NOTCH2NLR: variants seen among roughly 807,000 people sequenced by gnomAD.
NOTCH2NLR encodes the protein notch 2 N-terminal like R.
In NOTCH2NLR, 33 loss-of-function variants were observed where a neutral mutation model predicts 35.6. That is an observed-to-expected ratio of 0.93 (90% confidence interval 0.70 to 1.24). The LOEUF (loss-of-function observed/expected upper bound fraction) is 1.24, where lower values mean the gene tolerates loss of function less well. Among genes scored for constraint, NOTCH2NLR ranks in the 50% most tolerant of loss-of-function variants. The probability of loss-of-function intolerance (pLI) is 0.00; values close to 1 mark genes in which losing one functional copy is unlikely to be tolerated. For synonymous variants in NOTCH2NLR, 103 were observed against 141.0 expected (o/e 0.73, Z 1.91); for missense variants, 276 against 362.2 (o/e 0.76, Z 1.93).
At chr1:120,724,127 CAGG>C in exon 1 of NOTCH2NLR, 2 of 1,313,272 alleles carry the variant, frequency 1.5e-6, no homozygotes, top group South Asian at 2.7e-5. Flanking sequence ...TGGATCTGCC[CAGG>C]CGGCGGCGGC....
Position 120,724,483 on chromosome 1 carries a change from C to T in NOTCH2NLR, c.73+233C>T, listed in dbSNP as rs1176926436. On this transcript the variant is annotated intron_variant, in intron 1 of 4. Transcript: ENST00000624419. ...CTGCTCCCCGCGGCCCGGGACCCCTCACACGCCTCCTCGGCAGGAGGGAGG... is the reference window on the plus strand; with the variant it reads ...CTGCTCCCCGCGGCCCGGGACCCCTTACACGCCTCCTCGGCAGGAGGGAGG... 1.4e-4 allele frequency among the ~76,000 whole-genome samples: 17 copies of T among 121,340 alleles called. 1 individual carries two copies. Among genetic ancestry groups the T allele is most frequent in the Admixed American group, 2.3e-4 (3 of 13,038 alleles). 79.6% of individuals were successfully genotyped at this position (121,340 alleles called of 152,430 possible).
In NOTCH2NLR at chr1:120,724,329, C is replaced by T; in HGVS notation, c.73+79C>T. 10 of 1,360,872 alleles carry T rather than the reference C, an allele frequency of 7.3e-6. 2 individuals carry two copies. The highest frequency in any genetic ancestry group is 9.6e-6 in the Non-Finnish European group (10 of 1,044,392). The allele number at this position is 1,360,872 out of a possible 1,614,324, so 84.3% of individuals were successfully genotyped here. A position where few individuals can be genotyped will look rare whatever the true frequency, so the allele number is the denominator to read the frequency against. On this transcript the variant is annotated intron_variant, in intron 1 of 4. Coordinates refer to ENST00000624419, the Ensembl canonical transcript of NOTCH2NLR. ...GCGACCCTTCTCCCCCTCAGTCCTT[C>T]TCTGTGTGGGAAGGCCAGGCTCGGC...
intron 3 of NOTCH2NLR, among the ~76,000 whole-genome samples, chr1:120,790,002 C>A (rs1319566408): frequency 1.4e-5 from 1 of 72,002 alleles, no homozygotes; most frequent in Non-Finnish European, 2.4e-5. Flanking sequence ...CTGCAAGATT[C>A]TGATCACCTT....
intron 2 of NOTCH2NLR, among the ~76,000 whole-genome samples, chr1:120,765,293 C>G (rs1261394589): frequency 1.4e-5 from 1 of 69,910 alleles, no homozygotes; most frequent in Non-Finnish European, 2.5e-5. Context: ...CATTTGGTGC[C>G]TTAGTTGCTT....
chr1:120,781,651 A>C (rs1651362583), intron 2 of NOTCH2NLR, among the ~76,000 whole-genome samples: 1 of 65,790 alleles, frequency 1.5e-5, no homozygotes, highest in Non-Finnish European at 2.6e-5. Flanking sequence ...GCAACCTCCA[A>C]CTTCTGGGTT....
At position 120,793,428 on chromosome 1, in the gene NOTCH2NLR, C is replaced by T. The variant is rs1651517010; in HGVS notation, c.683C>T (p.Ser228Leu). The T allele has an allele frequency of 2.6e-5, 37 of 1,442,564 alleles. 10 individuals are homozygous for T. Among genetic ancestry groups the T allele is most frequent in the Non-Finnish European group, 3.1e-5 (34 of 1,079,602 alleles). The allele number at this position is 1,442,564 out of a possible 1,614,324, so 89.4% of individuals were successfully genotyped here. ...AGACTGTATGTGCCCTGTGCACACT[C>T]GCCTTGTGTCAATGGAGGCACCTGT... is the stretch of plus-strand genomic sequence containing the variant. The change falls in exon 4 of 5, where the codon TCG (serine) becomes TTG (leucine). Residue 228 changes from serine to leucine, a missense_variant. Transcript: ENST00000624419.
At chr1:120,733,446 G>C in intron 1 of NOTCH2NLR, among the ~76,000 whole-genome samples, 1 of 106,772 alleles carries the variant, frequency 9.4e-6, no homozygotes, top group East Asian at 2.3e-4. Context: ...GTCACAATAT[G>C]TATGGAAATA....
At position 120,790,309 on chromosome 1, in the gene NOTCH2NLR, G is replaced by A. The variant is rs1172237992; in HGVS notation, c.416-2852G>A. Among the ~76,000 whole-genome samples the A allele has an allele frequency of 3.6e-5, 4 of 111,332 alleles. 2 individuals carry two copies. The East Asian group carries it at 8.9e-4, about 25-fold the overall frequency. The allele number at this position is 111,332 out of a possible 152,430, so 73.0% of individuals were successfully genotyped here. Reference sequence around the variant, plus strand: ...GATTACAGGTGTGAGCCACCACACCGGGCCGATTCTGATCATCTTTTATAC... The same window carrying A: ...GATTACAGGTGTGAGCCACCACACCAGGCCGATTCTGATCATCTTTTATAC... On this transcript the variant is annotated intron_variant, in intron 3 of 4. Coordinates refer to ENST00000624419, the Ensembl canonical transcript of NOTCH2NLR.
Position 120,724,145 on chromosome 1 carries a change from G to A in NOTCH2NLR, c.-33G>A. 2.2e-6 allele frequency: 3 copies of A among 1,365,274 alleles called. 1 individual carries two copies. Among genetic ancestry groups the A allele is most frequent in the Admixed American group, 2.3e-5 (1 of 42,716 alleles). 84.6% of individuals were successfully genotyped at this position (1,365,274 alleles called of 1,614,324 possible). On this transcript the variant is annotated 5_prime_UTR_variant, in exon 1 of 5. Coordinates refer to ENST00000624419, the Ensembl canonical transcript of NOTCH2NLR. ...ATCTGCCCAGGCGGCGGCGGCGGCGGCGGCGGAGGAGGAGGAGGAGGCGAC... is the reference window on the plus strand; with the variant it reads ...ATCTGCCCAGGCGGCGGCGGCGGCGACGGCGGAGGAGGAGGAGGAGGCGAC...
In NOTCH2NLR at chr1:120,743,756, C is replaced by CA. The variant is rs1425431718; in HGVS notation, c.73+19507dup. ...AGTTTGAAAAAACACCGTAAGCCTG[C>CA]ATTCCAGAAGTTCTGGTATGGATAG... On this transcript the variant is annotated intron_variant, in intron 1 of 4. Transcript: ENST00000624419. 9.9e-3 allele frequency among the ~76,000 whole-genome samples: 1,209 copies of CA among 122,354 alleles called. 274 individuals are homozygous for CA. Among genetic ancestry groups the CA allele is most frequent in the African/African-American group, 0.041 (1,156 of 27,856 alleles). 80.3% of individuals were successfully genotyped at this position (122,354 alleles called of 152,430 possible). A position where few individuals can be genotyped will look rare whatever the true frequency, so the allele number is the denominator to read the frequency against.
At chr1:120,769,676 T>G (rs1481148736) in intron 2 of NOTCH2NLR, among the ~76,000 whole-genome samples, 1 of 119,740 alleles carries the variant, frequency 8.4e-6, no homozygotes, top group Non-Finnish European at 1.6e-5. Context: ...TGCATGCTAT[T>G]TATGTGTACC....
At chr1:120,790,037 G>A (rs1235797089) in intron 3 of NOTCH2NLR, among the ~76,000 whole-genome samples, 1 of 43,598 alleles carries the variant, frequency 2.3e-5, no homozygotes, top group Non-Finnish European at 3.6e-5. Context: ...TTTTTTTTGA[G>A]ATGGAGTATT....
chr1:120,764,992 A>G lies in NOTCH2NLR; in HGVS notation c.155+1283A>G, dbSNP rs1244849855. On this transcript the variant is annotated intron_variant, in intron 2 of 4. Transcript: ENST00000624419. Reference sequence around the variant, plus strand: ...ATTTAGTTTTTTAATGTTATAAACAAGATTTTTTTTTTCAAGTCAGAAATA... The same window carrying G: ...ATTTAGTTTTTTAATGTTATAAACAGGATTTTTTTTTTCAAGTCAGAAATA... Among the ~76,000 whole-genome samples, 9 of 84,006 alleles carry G rather than the reference A, an allele frequency of 1.1e-4. 1 individual carries two copies. Among genetic ancestry groups the G allele is most frequent in the Non-Finnish European group, 2.0e-4 (9 of 45,804 alleles). The allele number at this position is 84,006 out of a possible 152,430, so 55.1% of individuals were successfully genotyped here.
chr1:120,768,635 G>T (rs1651222202), intron 2 of NOTCH2NLR, among the ~76,000 whole-genome samples: 2 of 108,938 alleles, frequency 1.8e-5, no homozygotes, highest in South Asian at 5.4e-4. Context: ...CTGTAAATGT[G>T]GGTTTCATAT....
Position 120,724,196 on chromosome 1 carries a change from G to T in NOTCH2NLR, c.19G>T (p.Ala7Ser). ...CGAGAAGATGCCCGCCCTGCGTCCC[G>T]CTCTGCTGTGGGCGCTGCTGGCGCT... The change falls in exon 1 of 5, where the codon GCT becomes TCT. Residue 7 changes from alanine to serine, a missense_variant. By Grantham distance (99) the Ala-to-Ser change is moderately conservative. Transcript: ENST00000624419. 2 of 1,402,230 alleles carry T rather than the reference G, an allele frequency of 1.4e-6. 1 individual carries two copies. Among genetic ancestry groups the T allele is most frequent in the East Asian group, 4.9e-5 (2 of 41,002 alleles). The allele number at this position is 1,402,230 out of a possible 1,614,324, so 86.9% of individuals were successfully genotyped here. A position where few individuals can be genotyped will look rare whatever the true frequency, so the allele number is the denominator to read the frequency against.
chr1:120,730,681 T>C (rs1396051901), intron 1 of NOTCH2NLR, among the ~76,000 whole-genome samples: 2 of 100,862 alleles, frequency 2.0e-5, no homozygotes, highest in East Asian at 2.4e-4. Context: ...AGGGGGATGA[T>C]AAAGCCATAG....
At position 120,754,761 on chromosome 1, in the gene NOTCH2NLR, C is replaced by T. The variant is rs1179515773; in HGVS notation, c.74-8867C>T. 2.6e-5 allele frequency among the ~76,000 whole-genome samples: 3 copies of T among 116,116 alleles called. 1 individual carries two copies. Among genetic ancestry groups the T allele is most frequent in the Non-Finnish European group, 4.9e-5 (3 of 60,774 alleles). 76.2% of individuals were successfully genotyped at this position (116,116 alleles called of 152,430 possible). ...TAAGAGTGGAGAGTGTATCTTCCTT[C>T]AAACAAATGGTAAGAAAGGAACTTT... On this transcript the variant is annotated intron_variant, in intron 1 of 4. Transcript: ENST00000624419.
chr1:120,745,829 A>C lies in NOTCH2NLR; in HGVS notation c.74-17799A>C, dbSNP rs1156812678. Among the ~76,000 whole-genome samples the C allele has an allele frequency of 5.4e-5, 5 of 92,414 alleles. 1 individual carries two copies. The highest frequency in any genetic ancestry group is 3.0e-4 in the South Asian group (1 of 3,360). 60.6% of individuals were successfully genotyped at this position (92,414 alleles called of 152,430 possible). On this transcript the variant is annotated intron_variant, in intron 1 of 4. Transcript: ENST00000624419. ...AGACTGCATCTCAAAAAAAAAAAAA[A>C]AAAAAACAAGGTAAAGTAATTTTTC...
chr1:120,747,731 C>T lies in NOTCH2NLR; in HGVS notation c.74-15897C>T, dbSNP rs1470560984. On this transcript the variant is annotated intron_variant, in intron 1 of 4. Transcript: ENST00000624419. ...TTACACCTCCCCTGCTTCTGGGATACGCACACCTAATTTTGCAGACCACTG... is the reference window on the plus strand; with the variant it reads ...TTACACCTCCCCTGCTTCTGGGATATGCACACCTAATTTTGCAGACCACTG... Among the ~76,000 whole-genome samples, 2 of 30,228 alleles carry T rather than the reference C, an allele frequency of 6.6e-5. 1 individual carries two copies. Among genetic ancestry groups the T allele is most frequent in the Non-Finnish European group, 1.2e-4 (2 of 17,004 alleles). 19.8% of individuals were successfully genotyped at this position (30,228 alleles called of 152,430 possible).
Sources: allele counts gnomAD v4.1 joint callset (sites outside exome capture counted in the v4.1 genomes callset), GRCh38; gene constraint gnomAD v4.1.1; transcripts MANE v1.5; gene names NCBI Gene and HGNC (gene_info 2026-07-23, HGNC 2026-07-21).